The following LAMA1 variants were observed in gnomAD, a reference collection of about 807,000 sequenced individuals.
LAMA1 encodes the protein laminin subunit alpha-1.
In LAMA1, 219 loss-of-function variants were observed where a neutral mutation model predicts 348.7. That is an observed-to-expected ratio of 0.63 (90% CI 0.56 to 0.70). LAMA1 has a LOEUF of 0.70. Among genes scored for constraint, LAMA1 ranks in the 30% least tolerant of loss-of-function variants. The pLI, the probability that LAMA1 is intolerant of heterozygous loss-of-function variation, is 0.00. For synonymous variants in LAMA1, 1,487 were observed against 1,491.0 expected, an observed-to-expected ratio of 1.00 and a Z score of 0.06; for missense variants, 3,744 against 3,888.0, an observed-to-expected ratio of 0.96 and a Z score of 0.99.
At chr18:7,028,555 G>C (rs1178446443) in intron 16 of LAMA1, among the ~76,000 whole-genome samples, 1 of 152,162 alleles carries the variant, frequency 6.6e-6, no homozygotes, top group Non-Finnish European at 1.5e-5. Flanking sequence ...TCAGATAAAG[G>C]AGAGTTAAGA....
At chr18:6,997,325 GTGCTGGGA>G (rs1440351516) in intron 33 of LAMA1, among the ~76,000 whole-genome samples, 1 of 152,224 alleles carries the variant, frequency 6.6e-6, no homozygotes, top group Admixed American at 6.5e-5. Flanking sequence ...GCCCCCCAAA[GTGCTGGGA>G]TGCTGGGATT....
rs1424531349 is a variant in LAMA1, at chr18:6,961,579, T to C, written c.7626+7A>G. On this transcript the variant is annotated splice_region_variant and intron_variant, in intron 53 of 62. Transcript: ENST00000389658. Reference sequence around the variant, plus strand: ...GCTTGGGGCTCAGGAGCACTGGCCCTACTCACCACGTGTGCTTCCTCACGA... The same window carrying C: ...GCTTGGGGCTCAGGAGCACTGGCCCCACTCACCACGTGTGCTTCCTCACGA... The C allele has an allele frequency of 3.7e-6, 6 of 1,612,954 alleles. No individual in the cohort carries two copies. In the Admixed American group the frequency reaches 1.0e-4, roughly 27 times the overall value.
intron 29 of LAMA1, among the ~76,000 whole-genome samples, 178 bp downstream of exon 29, chr18:7,006,961 T>C (rs1250416416): frequency 2.0e-5 from 3 of 152,244 alleles, no homozygotes; most frequent in Admixed American, 1.3e-4. Context: ...GAATTTCCAC[T>C]GATAAGGTCA....
chr18:7,115,780 C>T (rs2058352969), intron 1 of LAMA1, among the ~76,000 whole-genome samples: 1 of 134,188 alleles, frequency 7.5e-6, no homozygotes, highest in Admixed American at 9.2e-5. Context: ...ACCAGCCTGG[C>T]CAATATGGTG....
intron 2 of LAMA1, 98 bp downstream of exon 2, chr18:7,080,189 G>A: frequency 1.3e-6 from 2 of 1,579,732 alleles, no homozygotes; most frequent in Non-Finnish European, 1.7e-6. Flanking sequence ...CAGTGAAGGT[G>A]AACACAATGT....
chr18:6,963,053 C>T (rs2057615592), intron 51 of LAMA1, among the ~76,000 whole-genome samples: 1 of 151,272 alleles, frequency 6.6e-6, no homozygotes, highest in Non-Finnish European at 1.5e-5. Context: ...CCTGTTACAG[C>T]CACACCTCAT....
At position 7,034,621 on chromosome 18, in the gene LAMA1, C is replaced by T. The variant is rs1057520202; in HGVS notation, c.1909G>A (p.Val637Met). 8.7e-6 allele frequency: 14 copies of T among 1,614,050 alleles called. No homozygotes were observed. Among genetic ancestry groups the T allele is most frequent in the African/African-American group, 2.7e-5 (2 of 74,916 alleles). The change falls in exon 14 of 63, where the codon GTG (valine) becomes ATG (methionine). Residue 637 changes from valine (V) to methionine (M), a missense_variant. Transcript: ENST00000389658. Reference sequence around the variant, plus strand: ...AAGTTTTCAGGCACAAGTCTAACCACGTTTAGGTACTCTTCATAAGGCTGC... The same window carrying T: ...AAGTTTTCAGGCACAAGTCTAACCATGTTTAGGTACTCTTCATAAGGCTGC... ...SLQPYEEYLN[V>M]VRLVPENFQD... is the part of the protein sequence containing the mutation.
Position 7,023,158 on chromosome 18 carries a change from A to G in LAMA1, c.2701+6T>C, listed in dbSNP as rs1205028544. 2 of 1,611,058 alleles carry G rather than the reference A, an allele frequency of 1.2e-6. No homozygotes were observed. Among genetic ancestry groups the G allele is most frequent in the Admixed American group, 3.3e-5 (2 of 59,850 alleles). On this transcript the variant is annotated splice_donor_region_variant and intron_variant, in intron 19 of 62. Transcript: ENST00000389658. ...AGCTGACCTGACTTCACGCTCACGC[A>G]CTCACCGCGGCAGTTCTTGGCTGTC...
chr18:6,976,188 C>T (rs1250049171), intron 44 of LAMA1, 108 bp from the exon 45 acceptor site: 2 of 1,068,560 alleles, frequency 1.9e-6, no homozygotes, highest in Admixed American at 1.7e-5. Context: ...AGGCAGGTTT[C>T]CTCTCTTGAT....
chr18:6,942,389 G>T, intron 62 of LAMA1, 150 bp from the exon 63 acceptor site: 1 of 852,892 alleles, frequency 1.2e-6, no homozygotes, highest in Non-Finnish European at 1.8e-6. Context: ...CACATATGTG[G>T]TGTCAGTGAC....
chr18:7,098,994 A>G (rs1180299241), intron 1 of LAMA1, among the ~76,000 whole-genome samples: 1 of 152,212 alleles, frequency 6.6e-6, no homozygotes, highest in Non-Finnish European at 1.5e-5. Context: ...AGAACAGGCC[A>G]TGATGACAAT....
Position 7,044,725 on chromosome 18 carries a change from C to T in LAMA1, c.973G>A (p.Glu325Lys). The change falls in exon 7 of 63, where the codon GAA becomes AAA. Residue 325 changes from glutamate to lysine, a missense_variant. Coordinates refer to ENST00000389658, the MANE Select transcript of LAMA1 (RefSeq NM_005559.4). ...PGTVSSGNTC[E>K]ACNCHNKAKD... is the part of the protein sequence containing the mutation. ...TTCAGATTCTAAGTATACTGACCTTCACATGTATTGCCGGAGGACACGGTT... is the reference window on the plus strand; with the variant it reads ...TTCAGATTCTAAGTATACTGACCTTTACATGTATTGCCGGAGGACACGGTT... 7 of 1,612,814 alleles carry T rather than the reference C, an allele frequency of 4.3e-6. No individual in the cohort carries two copies. The highest frequency in any genetic ancestry group is 5.9e-6 in the Non-Finnish European group (7 of 1,178,778).
chr18:6,973,257 C>T (rs771220118), intron 46 of LAMA1, 50 bp from the exon 47 acceptor site: 36 of 1,561,316 alleles, frequency 2.3e-5, no homozygotes, highest in South Asian at 1.3e-4. Flanking sequence ...TTCCAGTCAG[C>T]GCACATACAA....
intron 37 of LAMA1, among the ~76,000 whole-genome samples, chr18:6,985,901 G>C (rs1049077350): frequency 1.2e-4 from 19 of 152,176 alleles, no homozygotes; most frequent in African/African-American, 4.6e-4. Flanking sequence ...TGGGACTACA[G>C]GCGCATGCCA....
chr18:6,966,806 G>A (rs2057635220), intron 48 of LAMA1, among the ~76,000 whole-genome samples: 1 of 152,130 alleles, frequency 6.6e-6, no homozygotes, highest in African/African-American at 2.4e-5. Context: ...TGCAGGATGA[G>A]CTTAAAGACC....
At chr18:7,005,766 A>T (rs541385) in intron 29 of LAMA1, among the ~76,000 whole-genome samples, 71,199 of 151,882 alleles carry the variant, frequency 0.47, 18,777 homozygotes, top group African/African-American at 0.73. Context: ...ATAATAATAA[A>T]AAAATGTGAA....
intron 1 of LAMA1, among the ~76,000 whole-genome samples, chr18:7,107,603 C>A (rs2058317571): frequency 6.6e-6 from 1 of 151,984 alleles, no homozygotes; most frequent in African/African-American, 2.4e-5. Context: ...AAAGTGTCTT[C>A]AGTGCATGGA....
At chr18:6,943,503 G>C (rs1056132783) in intron 61 of LAMA1, 101 bp from the exon 62 acceptor site, 17 of 949,800 alleles carry the variant, frequency 1.8e-5, no homozygotes, top group Non-Finnish European at 2.6e-5. Flanking sequence ...TGTTTAAAAG[G>C]AGAGCTAACT....
intron 1 of LAMA1, among the ~76,000 whole-genome samples, chr18:7,080,782 T>C (rs766412725): frequency 3.3e-5 from 5 of 152,134 alleles, no homozygotes; most frequent in Admixed American, 2.0e-4. Flanking sequence ...TGAAAAATCA[T>C]AGAATGAGTA....
Sources: gnomAD v4.1 joint callset for allele counts (sites outside exome capture counted in the v4.1 genomes callset) on GRCh38, gnomAD v4.1.1 for gene constraint, MANE v1.5 for transcripts, NCBI Gene and HGNC (gene_info 2026-07-23, HGNC 2026-07-21) for gene names.